The following RNF220 variants were observed in gnomAD, a reference collection of about 807,000 sequenced individuals.
RNF220 encodes E3 ubiquitin-protein ligase RNF220.
A neutral mutation model predicts 67.1 loss-of-function variants in RNF220; 7 were observed. The observed-to-expected ratio is 0.10, with a 90% confidence interval of 0.06 to 0.20. The LOEUF (loss-of-function observed/expected upper bound fraction) is 0.20. Ranked by LOEUF, RNF220 falls within the 10% of genes least tolerant of loss-of-function variation. The pLI, the probability that RNF220 is intolerant of heterozygous loss-of-function variation, is 1.00. For missense variants in RNF220, 565 were observed against 740.3 expected (o/e 0.76, Z 2.75); for synonymous variants, 270 against 283.2 (o/e 0.95, Z 0.47).
At chr1:44,642,181 T>C (rs908364054) in intron 8 of RNF220, among the ~76,000 whole-genome samples, 2 of 152,100 alleles carry the variant, frequency 1.3e-5, no homozygotes, top group African/African-American at 4.8e-5. Context: ...GTAATAAATA[T>C]GATTTTGGAG....
rs1644619216 is a variant in RNF220, at chr1:44,645,645, T to C, written c.1445+157T>C. ...ACGGCCGGCAGTGGAGCCCAGCTGG[T>C]GCTAAGCGTGACTCTGTGAATTGAT... On this transcript the variant is annotated intron_variant, in intron 12 of 14. Coordinates refer to ENST00000361799, the MANE Select transcript of RNF220 (RefSeq NM_018150.4). The surrounding 1 kb of genome is among the most constrained non-coding windows in gnomAD (Gnocchi z 5.0). Among the ~76,000 whole-genome samples the C allele has an allele frequency of 6.6e-6, 1 of 152,148 alleles. No homozygotes were observed. The highest frequency in any genetic ancestry group is 1.5e-5 in the Non-Finnish European group (1 of 68,022).
At chr1:44,595,572 C>T (rs1666421532) in intron 2 of RNF220, among the ~76,000 whole-genome samples, 1 of 152,020 alleles carries the variant, frequency 6.6e-6, no homozygotes, top group Admixed American at 6.5e-5. Flanking sequence ...GGACATGATG[C>T]TCAGATCACA....
intron 2 of RNF220, among the ~76,000 whole-genome samples, chr1:44,559,020 G>A (rs1426603280): frequency 1.3e-5 from 2 of 152,188 alleles, no homozygotes; most frequent in African/African-American, 2.4e-5. Context: ...AGGCAACTCC[G>A]TGAGGGCAGA....
intron 2 of RNF220, among the ~76,000 whole-genome samples, chr1:44,592,389 C>T (rs528061249): frequency 5.3e-5 from 8 of 152,334 alleles, no homozygotes; most frequent in Admixed American, 2.6e-4. Flanking sequence ...GTCTCAGGCC[C>T]TTATTGCACA....
chr1:44,612,148 C>T lies in RNF220; in HGVS notation c.626-2017C>T, dbSNP rs532470472. Among the ~76,000 whole-genome samples the T allele has an allele frequency of 1.8e-3, 270 of 152,350 alleles. 2 individuals carry two copies. The highest frequency in any genetic ancestry group is 6.2e-3 in the African/African-American group (259 of 41,582). On this transcript the variant is annotated intron_variant, in intron 2 of 14. Transcript: ENST00000361799. ...TCCCCTCCTCAGAGACCTTGCCACA[C>T]GGACTGAAGCCTCCTGGATGGCTGG...
chr1:44,433,554 T>C (rs539020802), intron 2 of RNF220, among the ~76,000 whole-genome samples: 21 of 152,376 alleles, frequency 1.4e-4, no homozygotes, highest in African/African-American at 4.8e-4. Context: ...GGAGTTCTTA[T>C]ATGTGTTTAA....
intron 2 of RNF220, among the ~76,000 whole-genome samples, chr1:44,447,800 C>A (rs1475782513): frequency 2.0e-5 from 3 of 152,166 alleles, no homozygotes; most frequent in African/African-American, 7.2e-5. Flanking sequence ...CTATGTGTGT[C>A]CAGGCCTCTC....
chr1:44,611,425 G>A (rs1057497869), intron 2 of RNF220, among the ~76,000 whole-genome samples: 3 of 152,230 alleles, frequency 2.0e-5, no homozygotes, highest in South Asian at 2.1e-4. Flanking sequence ...CAGACTTGGT[G>A]TACCAGGCTA....
At chr1:44,583,971 A>G (rs1665503875) in intron 2 of RNF220, among the ~76,000 whole-genome samples, 1 of 152,266 alleles carries the variant, frequency 6.6e-6, no homozygotes, top group Non-Finnish European at 1.5e-5. Context: ...AGGACTTACT[A>G]TATACAAATC....
At chr1:44,613,323 C>A (rs1394031011) in intron 2 of RNF220, among the ~76,000 whole-genome samples, 2 of 141,472 alleles carry the variant, frequency 1.4e-5, no homozygotes, top group Middle Eastern at 3.3e-3. Context: ...CCCAACCCCA[C>A]ACCTGTAAGC....
rs546141847 is a variant in RNF220 at position 44,614,193 on chromosome 1, C to T, written c.654C>T (p.Asp218=). The part of the protein sequence containing the change: ...RCKKKAAALF[D]SQAPICPICQ... ...AGAAGAAAGCAGCGGCATTGTTCGA[C>T]AGCCAGGCCCCAATTTGCCCCATCT... The change falls in exon 3 of 15, where the codon GAC becomes GAT. Residue 218 remains aspartate (D), a synonymous_variant. Transcript: ENST00000361799. The T allele has an allele frequency of 1.7e-5, 28 of 1,614,210 alleles. 1 individual carries two copies. In the South Asian group the frequency reaches 2.5e-4, roughly 15 times the overall value.
intron 2 of RNF220, among the ~76,000 whole-genome samples, chr1:44,581,836 C>T (rs1665302735): frequency 6.6e-6 from 1 of 152,168 alleles, no homozygotes. Flanking sequence ...TTGCTCCATT[C>T]TTGTGTTCCT....
chr1:44,439,225 T>C lies in RNF220; in HGVS notation c.625+26503T>C, dbSNP rs141682783. Among the ~76,000 whole-genome samples the C allele has an allele frequency of 3.2e-3, 482 of 152,330 alleles. 3 individuals are homozygous for C. The highest frequency in any genetic ancestry group is 0.011 in the African/African-American group (459 of 41,578). On this transcript the variant is annotated intron_variant, in intron 2 of 14. Transcript: ENST00000361799. The stretch of plus-strand genomic sequence containing the variant: ...TGTTATCAACACATTATGATAAATA[T>C]TTTTAATCTTTGGCAATTTAGTAGA...
At chr1:44,557,345 G>A (rs1361835332) in intron 2 of RNF220, among the ~76,000 whole-genome samples, 5 of 150,286 alleles carry the variant, frequency 3.3e-5, no homozygotes, top group Non-Finnish European at 7.4e-5. Context: ...GGGCAACATA[G>A]TGAGACCCTG....
intron 5 of RNF220, chr1:44,632,133 G>GT (rs1309812567): frequency 6.5e-7 from 1 of 1,527,322 alleles, no homozygotes; most frequent in Non-Finnish European, 8.8e-7. Context: ...ACGGGGTCCC[G>GT]TTAGAGCAGC....
chr1:44,647,585 G>T (rs1054091527), intron 12 of RNF220, among the ~76,000 whole-genome samples: 28 of 152,152 alleles, frequency 1.8e-4, no homozygotes, highest in African/African-American at 6.5e-4. Context: ...TAGGGTGATG[G>T]ATTTAAGTGT....
chr1:44,422,182 A>G (rs971754872), intron 2 of RNF220, among the ~76,000 whole-genome samples: 2 of 152,220 alleles, frequency 1.3e-5, no homozygotes, highest in African/African-American at 2.4e-5. Context: ...TTTAGGTCCA[A>G]ATGCCAAAAT....
At chr1:44,438,686 A>G (rs1243843602) in intron 2 of RNF220, among the ~76,000 whole-genome samples, 2 of 152,186 alleles carry the variant, frequency 1.3e-5, no homozygotes, top group Non-Finnish European at 2.9e-5. Flanking sequence ...AAAACCCTAT[A>G]CCAGAGAATC....
rs900855381 is a variant in RNF220, at chr1:44,426,404, G to A, written c.625+13682G>A. Among the ~76,000 whole-genome samples, 39 of 152,330 alleles carry A rather than the reference G, an allele frequency of 2.6e-4. 1 individual carries two copies. The highest frequency in any genetic ancestry group is 9.1e-4 in the African/African-American group (38 of 41,572). On this transcript the variant is annotated intron_variant, in intron 2 of 14. Coordinates refer to ENST00000361799, the MANE Select transcript of RNF220 (RefSeq NM_018150.4). ...ATCTTTAGAAGTTAAAGCTGGGCCAGGAGGATTGGAAAGAGCAAGAATTTG... is the reference window on the plus strand; with the variant it reads ...ATCTTTAGAAGTTAAAGCTGGGCCAAGAGGATTGGAAAGAGCAAGAATTTG...
Sources: gnomAD v4.1 joint callset for allele counts (sites outside exome capture counted in the v4.1 genomes callset) on GRCh38, gnomAD v4.1.1 for gene constraint, Gnocchi (gnomAD v3.1) non-coding constraint, MANE v1.5 for transcripts, NCBI Gene and HGNC (gene_info 2026-07-23, HGNC 2026-07-21) for gene names.